The following LRCH2 variants were observed in gnomAD, a reference collection of about 807,000 sequenced individuals.
LRCH2 encodes the protein leucine-rich repeat and calponin homology domain-containing protein 2.
A neutral mutation model predicts 68.9 loss-of-function variants in LRCH2; 38 were observed. The observed-to-expected ratio is 0.55, with a 90% CI of 0.43 to 0.72. The LOEUF (loss-of-function observed/expected upper bound fraction) is 0.72, where lower values mean the gene tolerates loss of function less well. LRCH2 is among the 30% of genes least tolerant of loss of function. LRCH2 has a pLI of 0.00. For missense variants in LRCH2, 528 were observed against 572.9 expected (o/e 0.92, Z 0.80); for synonymous variants, 191 against 208.1 (o/e 0.92, Z 0.71).
chrX:115,125,081 T>C lies in LRCH2; in HGVS notation c.1792-1079A>G, dbSNP rs1049876221. ...GTCTTCACTATTTTGGTTAAATTAA[T>C]ATGAATTCCTAGATGAAAATTTCAC... On this transcript the variant is annotated intron_variant, in intron 16 of 20. Coordinates refer to ENST00000317135, the MANE Select transcript of LRCH2 (RefSeq NM_020871.4). 1.0e-4 allele frequency among the ~76,000 whole-genome samples: 11 copies of C among 110,338 alleles called. No individual in the cohort carries two copies. The East Asian group carries it at 1.1e-3, about 12-fold the overall frequency.
chrX:115,175,780 G>T (rs142180807), intron 5 of LRCH2, among the ~76,000 whole-genome samples: 128 of 112,263 alleles, frequency 1.1e-3, no homozygotes, highest in African/African-American at 4.0e-3. Context: ...CTTCTCATAT[G>T]CCTTGTCCTA....
chrX:115,122,468 A>C, intron 20 of LRCH2, 59 bp downstream of exon 20: 1 of 967,253 alleles, frequency 1.0e-6, no homozygotes, highest in Non-Finnish European at 1.5e-6. Flanking sequence ...GAAGAACCCC[A>C]GTTTGCATGT....
chrX:115,182,102 T>C (rs1556552989), intron 3 of LRCH2, among the ~76,000 whole-genome samples: 1 of 111,572 alleles, frequency 9.0e-6, no homozygotes, highest in Non-Finnish European at 1.9e-5. Flanking sequence ...ATAAGAGACT[T>C]GAGCATTCGT....
chrX:115,126,737 T>C (rs968078907), intron 16 of LRCH2, 106 bp downstream of exon 16: 1 of 553,466 alleles, frequency 1.8e-6, no homozygotes, highest in Non-Finnish European at 2.8e-6. Context: ...ATAAATTATA[T>C]TGCAAAAAAA....
intron 14 of LRCH2, among the ~76,000 whole-genome samples, chrX:115,145,984 A>G (rs782426220): frequency 1.7e-4 from 19 of 112,408 alleles, no homozygotes; most frequent in African/African-American, 6.1e-4. Flanking sequence ...AGATATCTGC[A>G]CTTCCATATT....
intron 1 of LRCH2, among the ~76,000 whole-genome samples, chrX:115,204,619 G>C (rs1425740753): frequency 1.8e-5 from 2 of 111,755 alleles, no homozygotes; most frequent in African/African-American, 6.5e-5. Context: ...TGTCTCTTAA[G>C]TTCAAAGTTC....
intron 1 of LRCH2, among the ~76,000 whole-genome samples, chrX:115,215,440 C>T (rs1397041191): frequency 2.7e-5 from 3 of 110,582 alleles, no homozygotes; most frequent in Non-Finnish European, 5.7e-5. Flanking sequence ...TCAAAATAAA[C>T]GTAAAAATTA....
chrX:115,136,905 T>C (rs191477924), intron 14 of LRCH2, among the ~76,000 whole-genome samples: 99 of 112,025 alleles, frequency 8.8e-4, no homozygotes, highest in Non-Finnish European at 1.6e-3. Flanking sequence ...TTTTCTCACA[T>C]TGTCTGATAA....
At chrX:115,155,363 C>A (rs782603913) in intron 12 of LRCH2, among the ~76,000 whole-genome samples, 1 of 110,036 alleles carries the variant, frequency 9.1e-6, no homozygotes, top group Non-Finnish European at 1.9e-5. Flanking sequence ...TGTTTTGATA[C>A]GTGCAGCAAA....
At chrX:115,160,310 C>T (rs375118448) in intron 11 of LRCH2, among the ~76,000 whole-genome samples, 21 of 109,581 alleles carry the variant, frequency 1.9e-4, no homozygotes, top group African/African-American at 6.6e-4. Flanking sequence ...AGTGAGACTC[C>T]GTCTCAAAAA....
intron 14 of LRCH2, among the ~76,000 whole-genome samples, chrX:115,136,998 A>G (rs1331755632): frequency 8.9e-6 from 1 of 112,221 alleles, no homozygotes; most frequent in Admixed American, 9.5e-5. Context: ...GTAATCATCA[A>G]ATCAGGGTAA....
intron 5 of LRCH2, among the ~76,000 whole-genome samples, chrX:115,178,170 C>A (rs1556551533): frequency 9.0e-6 from 1 of 111,103 alleles, no homozygotes; most frequent in Non-Finnish European, 1.9e-5. Flanking sequence ...GATCTACCTA[C>A]TCCTTAGAAT....
At chrX:115,167,215 A>AAAAC (rs2072568805) in intron 6 of LRCH2, among the ~76,000 whole-genome samples, 2 of 103,464 alleles carry the variant, frequency 1.9e-5, no homozygotes, top group Non-Finnish European at 4.0e-5. Flanking sequence ...AAAAAAAAAA[A>AAAAC]AAAACAATAA....
Position 115,123,091 on chromosome X carries a change from G to C in LRCH2, c.1951C>G (p.Gln651Glu). 1 of 1,207,326 alleles carries C rather than the reference G, an allele frequency of 8.3e-7. No homozygotes were observed. The highest frequency in any genetic ancestry group is 1.1e-6 in the Non-Finnish European group (1 of 892,834). ...HLREEREQIR[Q>E]LRNNLESRLK... Reference sequence around the variant, plus strand: ...GCAATCTGACTTACGTTGCGAAGTTGTCGTATTTGCTCTCGCTCTTCCCGT... The same window carrying C: ...GCAATCTGACTTACGTTGCGAAGTTCTCGTATTTGCTCTCGCTCTTCCCGT... The change falls in exon 18 of 21, where the codon CAA becomes GAA. Residue 651 changes from glutamine to glutamate, a missense_variant. Physicochemically the swap from Gln to Glu is conservative, Grantham distance 29 (BLOSUM62 2). Coordinates refer to ENST00000317135, the MANE Select transcript of LRCH2 (RefSeq NM_020871.4).
intron 6 of LRCH2, 70 bp downstream of exon 6, chrX:115,170,229 A>T: frequency 9.9e-7 from 1 of 1,007,827 alleles, no homozygotes; most frequent in South Asian, 3.0e-5. Flanking sequence ...AACACTCAAG[A>T]TTAATAAGTA....
At chrX:115,184,201 A>T (rs781826635) in intron 3 of LRCH2, among the ~76,000 whole-genome samples, 277 of 112,322 alleles carry the variant, frequency 2.5e-3, no homozygotes, top group African/African-American at 8.2e-3. Flanking sequence ...CTGACGTCAC[A>T]AGGACTAAGG....
At chrX:115,178,786 A>G (rs192670229) in intron 5 of LRCH2, among the ~76,000 whole-genome samples, 87 of 112,471 alleles carry the variant, frequency 7.7e-4, no homozygotes, top group African/African-American at 2.7e-3. Context: ...CAGGGCACAC[A>G]GCATAAAGTA....
chrX:115,189,803 C>G, intron 1 of LRCH2: 2 of 1,167,366 alleles, frequency 1.7e-6, no homozygotes, highest in Non-Finnish European at 2.3e-6. Flanking sequence ...CCACAGCGAC[C>G]CCCCTCTCAG....
chrX:115,159,134 TG>T (rs782807292), intron 11 of LRCH2, among the ~76,000 whole-genome samples: 154 of 111,393 alleles, frequency 1.4e-3, no homozygotes, highest in African/African-American at 4.8e-3. Flanking sequence ...TATTTTATTT[TG>T]GTAAGAACAT....
Sources: allele counts gnomAD v4.1 joint callset (sites outside exome capture counted in the v4.1 genomes callset), GRCh38; gene constraint gnomAD v4.1.1; transcripts MANE v1.5; gene names NCBI Gene and HGNC (gene_info 2026-07-23, HGNC 2026-07-21).